CNTN4: variants seen among roughly 807,000 people sequenced by gnomAD.
CNTN4 encodes contactin-4.
A neutral mutation model predicts 122.5 loss-of-function variants in CNTN4; 77 were observed. The observed-to-expected ratio is 0.63, with a 90% CI of 0.52 to 0.76. The LOEUF (loss-of-function observed/expected upper bound fraction) is 0.76. CNTN4 is among the 30% of genes least tolerant of loss of function. CNTN4 has a pLI of 0.00. For synonymous variants in CNTN4, 512 were observed against 447.0 expected, an observed-to-expected ratio of 1.15 and a Z score of -1.83; for missense variants, 1,256 against 1,259.1, an observed-to-expected ratio of 1.00 and a Z score of 0.04.
chr3:2,620,565 T>G (rs1295246261), intron 4 of CNTN4, among the ~76,000 whole-genome samples: 1 of 152,120 alleles, frequency 6.6e-6, no homozygotes, highest in African/African-American at 2.4e-5. Context: ...GGTTATATCA[T>G]AAAATATTAG....
intron 4 of CNTN4, among the ~76,000 whole-genome samples, chr3:2,606,504 A>C (rs1184816477): frequency 6.6e-6 from 1 of 152,202 alleles, no homozygotes; most frequent in East Asian, 1.9e-4. Flanking sequence ...AAATAAAATA[A>C]AATAACTCAC....
intron 2 of CNTN4, among the ~76,000 whole-genome samples, chr3:2,111,468 CATAAT>C (rs1446035442): frequency 1.3e-5 from 2 of 151,984 alleles, no homozygotes; most frequent in African/African-American, 4.8e-5. Flanking sequence ...AGAAAAGAAA[CATAAT>C]ATAATGTACT....
intron 13 of CNTN4, among the ~76,000 whole-genome samples, chr3:2,968,332 G>C (rs1692538474): frequency 6.6e-6 from 1 of 151,964 alleles, no homozygotes; most frequent in Admixed American, 6.6e-5. Context: ...TCAAAACCAA[G>C]GAAAAAAATG....
chr3:2,240,358 T>C (rs538647539), intron 2 of CNTN4, among the ~76,000 whole-genome samples: 1 of 152,236 alleles, frequency 6.6e-6, no homozygotes, highest in South Asian at 2.1e-4. Context: ...ATTTGAGTAT[T>C]GGGCTTAGTT....
chr3:2,546,477 A>G (rs1317269468), intron 3 of CNTN4, among the ~76,000 whole-genome samples: 1 of 152,114 alleles, frequency 6.6e-6, no homozygotes, highest in African/African-American at 2.4e-5. Context: ...GGGGAAGAAT[A>G]GGCACTGGGG....
chr3:2,778,932 C>CA (rs2091457507), intron 6 of CNTN4, among the ~76,000 whole-genome samples: 1 of 152,134 alleles, frequency 6.6e-6, no homozygotes, highest in Non-Finnish European at 1.5e-5. Flanking sequence ...GTTTTAGAAC[C>CA]AACTTTATAA....
chr3:2,761,574 T>C (rs1321893751), intron 6 of CNTN4, among the ~76,000 whole-genome samples: 1 of 152,126 alleles, frequency 6.6e-6, no homozygotes, highest in Non-Finnish European at 1.5e-5. Context: ...GTATTTATTA[T>C]GCTATATGAT....
chr3:2,329,944 T>TA (rs1281751139), intron 2 of CNTN4, among the ~76,000 whole-genome samples: 1 of 152,170 alleles, frequency 6.6e-6, no homozygotes, highest in Non-Finnish European at 1.5e-5. Context: ...GGTACATAGT[T>TA]ATGATTCCAT....
chr3:2,578,081 G>A (rs986584831), intron 4 of CNTN4, among the ~76,000 whole-genome samples: 12 of 152,224 alleles, frequency 7.9e-5, no homozygotes, highest in Admixed American at 3.3e-4. Flanking sequence ...ACAAAAAGTG[G>A]AGCAAGGAAG....
chr3:3,005,719 A>G (rs1696544782), intron 14 of CNTN4, among the ~76,000 whole-genome samples: 1 of 112,426 alleles, frequency 8.9e-6, no homozygotes, highest in African/African-American at 3.3e-5. Context: ...CTCTTCTTAT[A>G]AGGGCACTAA....
chr3:2,447,144 A>G (rs2048656981), intron 3 of CNTN4, among the ~76,000 whole-genome samples: 2 of 152,132 alleles, frequency 1.3e-5, no homozygotes, highest in East Asian at 1.9e-4. Context: ...CAGTCAACAC[A>G]TTACATATAC....
intron 7 of CNTN4, among the ~76,000 whole-genome samples, chr3:2,850,394 T>C (rs2093529857): frequency 6.6e-6 from 1 of 152,352 alleles, no homozygotes. Flanking sequence ...GACTCTTCAC[T>C]TTTTAAGAAA....
intron 6 of CNTN4, among the ~76,000 whole-genome samples, chr3:2,778,253 TAAAATAAAG>T (rs1396862171): frequency 3.3e-5 from 5 of 149,718 alleles, no homozygotes; most frequent in African/African-American, 2.5e-5. Flanking sequence ...AATAAATAAA[TAAAATAAAG>T]AAATAACTGT....
At chr3:2,708,974 G>A (rs1017728096) in intron 4 of CNTN4, among the ~76,000 whole-genome samples, 3 of 152,138 alleles carry the variant, frequency 2.0e-5, no homozygotes, top group Non-Finnish European at 4.4e-5. Context: ...TCGCATTGCA[G>A]AAATCCATGT....
chr3:2,166,021 ATC>A (rs1348573369), intron 2 of CNTN4, among the ~76,000 whole-genome samples: 3 of 152,186 alleles, frequency 2.0e-5, no homozygotes, highest in Admixed American at 1.3e-4. Context: ...GTGGAAGTTC[ATC>A]TGTCTCTTCG....
At position 2,683,920 on chromosome 3, in the gene CNTN4, C is replaced by G. The variant is rs575656300; in HGVS notation, c.56-52295C>G. ...CAAAAAAGAGTCTCTGGGGACAGGT[C>G]CCAAAGCCAGCCTTTTAAAGAAATT... On this transcript the variant is annotated intron_variant, in intron 4 of 24. Transcript: ENST00000418658. Among the ~76,000 whole-genome samples the G allele has an allele frequency of 3.3e-5, 5 of 152,194 alleles. No individual in the cohort carries two copies. In the South Asian group the frequency reaches 1.0e-3, roughly 32 times the overall value.
At chr3:2,750,188 C>T (rs2090021689) in intron 6 of CNTN4, among the ~76,000 whole-genome samples, 1 of 152,184 alleles carries the variant, frequency 6.6e-6, no homozygotes, top group Non-Finnish European at 1.5e-5. Context: ...CTCCCAGTTT[C>T]ATGCATGCTG....
At chr3:2,185,874 T>C (rs2149307129) in intron 2 of CNTN4, among the ~76,000 whole-genome samples, 1 of 152,296 alleles carries the variant, frequency 6.6e-6, no homozygotes, top group Admixed American at 6.5e-5. Flanking sequence ...ATAGCCTTAA[T>C]TATAACATAT....
intron 6 of CNTN4, among the ~76,000 whole-genome samples, chr3:2,760,701 C>A (rs1435265633): frequency 6.6e-6 from 1 of 152,168 alleles, no homozygotes; most frequent in African/African-American, 2.4e-5. Flanking sequence ...TCCCTGCAAG[C>A]AAAACATACT....
Sources: allele counts gnomAD v4.1 joint callset (sites outside exome capture counted in the v4.1 genomes callset), GRCh38; gene constraint gnomAD v4.1.1; transcripts MANE v1.5; gene names NCBI Gene and HGNC (gene_info 2026-07-23, HGNC 2026-07-21).